The following LARP4B variants were observed in gnomAD, a reference collection of about 807,000 sequenced individuals.
LARP4B encodes the protein la-related protein 4B.
Under a neutral mutation model 89.8 loss-of-function variants are expected in LARP4B, and 12 were observed. That is an observed-to-expected ratio of 0.13 (90% CI 0.09 to 0.22). The LOEUF is 0.22. LARP4B is among the 10% of genes least tolerant of loss of function. LARP4B has a pLI of 1.00. For missense variants in LARP4B, 757 were observed against 947.7 expected, an observed-to-expected ratio of 0.80 and a Z score of 2.64; for synonymous variants, 367 against 363.3, an observed-to-expected ratio of 1.01 and a Z score of -0.12.
At chr10:907,406 C>CT (rs1217727480) in intron 1 of LARP4B, among the ~76,000 whole-genome samples, 7 of 152,184 alleles carry the variant, frequency 4.6e-5, no homozygotes, top group African/African-American at 1.7e-4. Context: ...GGCAAAATTA[C>CT]TTTGAGTTAA....
rs1168258332 is a variant in LARP4B, at chr10:849,345, A to T, written c.431-4290T>A. Among the ~76,000 whole-genome samples the T allele has an allele frequency of 7.2e-5, 11 of 152,176 alleles. No homozygotes were observed. In the South Asian group the frequency reaches 1.0e-3, roughly 14 times the overall value. ...CAAAACAAAACAAAATAACCACAAA[A>T]AAACCCTATGTTGATGGGGCATGTC... On this transcript the variant is annotated intron_variant, in intron 5 of 17. Transcript: ENST00000316157.
intron 5 of LARP4B, among the ~76,000 whole-genome samples, chr10:856,308 AG>A (rs1428709338): frequency 1.3e-5 from 2 of 152,230 alleles, no homozygotes; most frequent in Non-Finnish European, 2.9e-5. Context: ...ATGCACAAAC[AG>A]GCACAACACC....
chr10:941,190 G>A, the LARP4B span, among the ~76,000 whole-genome samples: 4 of 152,200 alleles, frequency 2.6e-5, no homozygotes, highest in Admixed American at 2.6e-4. Flanking sequence ...TGGGGACTCA[G>A]CCTGCTCTTC....
rs539625385 is a variant in LARP4B at position 929,397 on chromosome 10, C to G, written c.-40+2031G>C. Among the ~76,000 whole-genome samples the G allele has an allele frequency of 2.0e-5, 3 of 152,264 alleles. No homozygotes were observed. The South Asian group carries it at 6.2e-4, about 32-fold the overall frequency. On this transcript the variant is annotated intron_variant, in intron 1 of 17. Coordinates refer to ENST00000316157, the MANE Select transcript of LARP4B (RefSeq NM_015155.3). ...ATCACTTGAGGCCAGGAGTTCGAGA[C>G]CAGCCTGGGCAACATGCTGAAACCC...
intron 5 of LARP4B, among the ~76,000 whole-genome samples, chr10:860,820 G>GA (rs530986886): frequency 1.2e-3 from 184 of 151,390 alleles, no homozygotes; most frequent in African/African-American, 4.3e-3. Context: ...TTTTTAAAGA[G>GA]AAAAAAAATC....
At chr10:833,790 G>A (rs1211800974) in intron 8 of LARP4B, among the ~76,000 whole-genome samples, 1 of 151,582 alleles carries the variant, frequency 6.6e-6, no homozygotes, top group Non-Finnish European at 1.5e-5. Flanking sequence ...TCGGGAGGCT[G>A]AGGAAGGAGA....
At chr10:913,291 T>C (rs1411951561) in intron 1 of LARP4B, among the ~76,000 whole-genome samples, 2 of 152,226 alleles carry the variant, frequency 1.3e-5, no homozygotes, top group Non-Finnish European at 2.9e-5. Flanking sequence ...AAGATCTGCT[T>C]CTGTTAGTGC....
chr10:973,648 G>T, the LARP4B span, among the ~76,000 whole-genome samples: 1 of 152,092 alleles, frequency 6.6e-6, no homozygotes, highest in Non-Finnish European at 1.5e-5. Context: ...ACTGCGCCTG[G>T]CCTGTTGAAC....
At chr10:897,130 A>C (rs1249859309) in intron 1 of LARP4B, among the ~76,000 whole-genome samples, 1 of 152,124 alleles carries the variant, frequency 6.6e-6, no homozygotes, top group Non-Finnish European at 1.5e-5. Context: ...TTCAAATCTT[A>C]CTACAAAGCT....
At position 825,108 on chromosome 10, in the gene LARP4B, C is replaced by G. The variant is rs1411826767; in HGVS notation, c.1441G>C (p.Glu481Gln). ...GGAGAGGATTCGAGACTGCCTGGCT[C>G]CACACGCCCAGGCCCAGCCTCTCTC... ...AKREAGPGRV[E>Q]PGSLESSPGL... is the part of the protein sequence containing the mutation. Residue 481 changes from glutamate (E) to glutamine (Q), a missense_variant, in exon 13 of 18, where the codon GAG becomes CAG. Glu to Gln is a conservative substitution (Grantham distance 29). This residue lies in a region of LARP4B where 387 missense variants were observed against 423.6 expected (regional missense o/e 0.91). Transcript: ENST00000316157. The G allele has an allele frequency of 1.9e-6, 3 of 1,614,242 alleles. No individual in the cohort carries two copies. In the South Asian group the frequency reaches 3.3e-5, roughly 18 times the overall value.
At chr10:880,119 A>G (rs562156837) in intron 3 of LARP4B, among the ~76,000 whole-genome samples, 170 of 152,292 alleles carry the variant, frequency 1.1e-3, no homozygotes, top group Non-Finnish European at 2.1e-3. Flanking sequence ...ACAACCTGCC[A>G]AAAGGTCTAA....
At chr10:909,069 C>G (rs887128502) in intron 1 of LARP4B, among the ~76,000 whole-genome samples, 1 of 151,792 alleles carries the variant, frequency 6.6e-6, no homozygotes, top group Non-Finnish European at 1.5e-5. Context: ...CTGAGGCGGG[C>G]AGATCACAAG....
At chr10:920,039 C>A (rs1330124475) in intron 1 of LARP4B, among the ~76,000 whole-genome samples, 1 of 152,198 alleles carries the variant, frequency 6.6e-6, no homozygotes, top group African/African-American at 2.4e-5. Flanking sequence ...AGTCTAATAA[C>A]TGCTTTAAAA....
intron 1 of LARP4B, among the ~76,000 whole-genome samples, chr10:930,342 G>A (rs1229277160): frequency 7.9e-5 from 12 of 152,158 alleles, no homozygotes; most frequent in Admixed American, 7.9e-4. Flanking sequence ...CCACTGCCCT[G>A]TCAAGGAAAA....
chr10:968,595 A>T, the LARP4B span, among the ~76,000 whole-genome samples: 1 of 150,754 alleles, frequency 6.6e-6, no homozygotes, highest in African/African-American at 2.5e-5. Context: ...ACTGACTCCC[A>T]CTTGGCTGTT....
chr10:985,597 C>T, the LARP4B span: 2 of 152,220 alleles, frequency 1.3e-5, no homozygotes, highest in Non-Finnish European at 2.9e-5. Context: ...GCTCTCATGC[C>T]ATTGCTGCCT....
intron 4 of LARP4B, 42 bp from the exon 5 acceptor site, chr10:863,925 A>T: frequency 6.3e-7 from 1 of 1,588,428 alleles, no homozygotes. Context: ...GGTTAGAAGC[A>T]TAACTTTCTC....
At chr10:974,134 C>T in the LARP4B span, among the ~76,000 whole-genome samples, 5 of 152,112 alleles carry the variant, frequency 3.3e-5, no homozygotes, top group African/African-American at 9.7e-5. Flanking sequence ...ACCTTTTGTG[C>T]GAGGTCTGGG....
At chr10:885,300 T>C (rs985500931) in intron 2 of LARP4B, among the ~76,000 whole-genome samples, 1 of 152,034 alleles carries the variant, frequency 6.6e-6, no homozygotes, top group African/African-American at 2.4e-5. Flanking sequence ...CAATCATGCT[T>C]CTCCACAACT....
Sources: gnomAD v4.1 joint callset for allele counts (sites outside exome capture counted in the v4.1 genomes callset) on GRCh38, gnomAD v4.1.1 for gene constraint, gnomAD v4.1.1 regional missense constraint, MANE v1.5 for transcripts, NCBI Gene and HGNC (gene_info 2026-07-23, HGNC 2026-07-21) for gene names.